CSNK1G3: variants seen among roughly 807,000 people sequenced by gnomAD.
CSNK1G3 encodes casein kinase 1 gamma 3, also known as casein kinase I isoform gamma-3.
Under a neutral mutation model 64.3 loss-of-function variants are expected in CSNK1G3, and 23 were observed. That is an observed-to-expected ratio of 0.36 (90% CI 0.26 to 0.51). CSNK1G3 has a LOEUF of 0.51. Among genes scored for constraint, CSNK1G3 ranks in the 20% least tolerant of loss-of-function variants. The pLI is 0.96. For missense variants in CSNK1G3, 357 were observed against 510.5 expected, an observed-to-expected ratio of 0.70 and a Z score of 2.90; for synonymous variants, 158 against 162.2, an observed-to-expected ratio of 0.97 and a Z score of 0.20.
chr5:123,542,360 A>G (rs1455869609), intron 1 of CSNK1G3, among the ~76,000 whole-genome samples: 1 of 152,168 alleles, frequency 6.6e-6, no homozygotes, highest in East Asian at 1.9e-4. Flanking sequence ...TATATATGAC[A>G]CTAAGAAATT....
At chr5:123,590,688 A>T (rs1165637158) in intron 9 of CSNK1G3, 130 bp downstream of exon 9, 15 of 547,722 alleles carry the variant, frequency 2.7e-5, no homozygotes, top group Non-Finnish European at 4.3e-5. Flanking sequence ...TTTTTAAGGG[A>T]CATTTCTGCA....
chr5:123,566,926 C>G lies in CSNK1G3; in HGVS notation c.290-6467C>G, dbSNP rs151336013. Among the ~76,000 whole-genome samples, 253 of 152,010 alleles carry G rather than the reference C, an allele frequency of 1.7e-3. 2 individuals are homozygous for G. The highest frequency in any genetic ancestry group is 5.7e-3 in the African/African-American group (236 of 41,468). On this transcript the variant is annotated intron_variant, in intron 4 of 12. Transcript: ENST00000345990. ...TTTTTCTTATGTTATCTTTTCTATT[C>G]GTATGTATGTTTAATGATTGTATTC...
At chr5:123,552,943 G>A (rs898226732) in intron 2 of CSNK1G3, 164 bp from the exon 3 acceptor site, 1 of 422,180 alleles carries the variant, frequency 2.4e-6, no homozygotes, top group African/African-American at 2.1e-5. Context: ...ACATCGAGTT[G>A]ATAATAAGTT....
At chr5:123,588,254 G>A (rs1336640226) in intron 7 of CSNK1G3, 101 bp downstream of exon 7, 2 of 1,102,996 alleles carry the variant, frequency 1.8e-6, no homozygotes, top group African/African-American at 1.6e-5. Flanking sequence ...ATTTTATTTT[G>A]TAAGTAGGCA....
chr5:123,534,343 C>T (rs1475848519), intron 1 of CSNK1G3, among the ~76,000 whole-genome samples: 1 of 151,972 alleles, frequency 6.6e-6, no homozygotes, highest in African/African-American at 2.4e-5. Flanking sequence ...ATTCTATGTT[C>T]TTTATAATAT....
chr5:123,575,811 G>A, exon 6 of CSNK1G3: 1 of 1,613,566 alleles, frequency 6.2e-7, no homozygotes, highest in Non-Finnish European at 8.5e-7. Context: ...GGACGACCAG[G>A]AAACAAAACC....
intron 6 of CSNK1G3, among the ~76,000 whole-genome samples, chr5:123,587,022 A>G (rs1040378014): frequency 6.6e-6 from 1 of 152,180 alleles, no homozygotes; most frequent in East Asian, 1.9e-4. Context: ...AGCATGGGAA[A>G]GACCTGCCCC....
intron 10 of CSNK1G3, among the ~76,000 whole-genome samples, chr5:123,595,743 TTTG>T (rs1257833357): frequency 6.6e-6 from 1 of 152,064 alleles, no homozygotes; most frequent in African/African-American, 2.4e-5. Context: ...TTATTTATGA[TTTG>T]TTTCTTTTCA....
intron 6 of CSNK1G3, among the ~76,000 whole-genome samples, chr5:123,578,452 AGT>A (rs1789597707): frequency 6.6e-6 from 1 of 151,834 alleles, no homozygotes; most frequent in South Asian, 2.1e-4. Flanking sequence ...TCTTTTGAAA[AGT>A]GTGTGTCATT....
intron 1 of CSNK1G3, among the ~76,000 whole-genome samples, chr5:123,514,685 G>A (rs1378410400): frequency 1.3e-5 from 2 of 151,552 alleles, no homozygotes; most frequent in Non-Finnish European, 2.9e-5. Context: ...CCTTAACATA[G>A]TTTAATAGGC....
At chr5:123,536,375 A>C (rs545685782) in intron 1 of CSNK1G3, among the ~76,000 whole-genome samples, 2 of 151,600 alleles carry the variant, frequency 1.3e-5, no homozygotes, top group South Asian at 4.2e-4. Flanking sequence ...ATAACATGAA[A>C]ATTTGCCAAA....
At chr5:123,520,529 A>G (rs1327832872) in intron 1 of CSNK1G3, among the ~76,000 whole-genome samples, 6 of 145,822 alleles carry the variant, frequency 4.1e-5, no homozygotes, top group South Asian at 2.1e-4. Flanking sequence ...TGTGTTTTCT[A>G]CCAGTTTAGA....
intron 12 of CSNK1G3, 77 bp downstream of exon 13, chr5:123,605,439 T>C: frequency 6.7e-7 from 1 of 1,494,088 alleles, no homozygotes; most frequent in Non-Finnish European, 9.2e-7. Flanking sequence ...TTTGTGTCTT[T>C]TGAAAACAAA....
intron 10 of CSNK1G3, 104 bp downstream of exon 10, chr5:123,591,518 T>C: frequency 1.7e-6 from 1 of 576,830 alleles, no homozygotes; most frequent in Non-Finnish European, 2.9e-6. Context: ...TACATATTTT[T>C]AATAGATAAT....
intron 4 of CSNK1G3, among the ~76,000 whole-genome samples, chr5:123,561,574 A>G (rs1260744252): frequency 6.6e-6 from 1 of 152,176 alleles, no homozygotes. Context: ...GTGTGGCTTC[A>G]TCCTGCAATC....
intron 12 of CSNK1G3, among the ~76,000 whole-genome samples, chr5:123,609,392 A>G (rs1302852952): frequency 1.3e-5 from 2 of 152,174 alleles, no homozygotes; most frequent in East Asian, 1.9e-4. Context: ...GATAATTTCT[A>G]TTTTGGGTTA....
chr5:123,546,898 T>C (rs1782621710), intron 2 of CSNK1G3, among the ~76,000 whole-genome samples: 1 of 152,136 alleles, frequency 6.6e-6, no homozygotes, highest in Admixed American at 6.6e-5. Context: ...ACATACTTGT[T>C]ACATGATGTG....
intron 4 of CSNK1G3, among the ~76,000 whole-genome samples, chr5:123,566,151 T>A (rs1401825404): frequency 6.6e-6 from 1 of 152,222 alleles, no homozygotes; most frequent in Non-Finnish European, 1.5e-5. Context: ...TCTTTAATAG[T>A]TTCTGTGTAT....
Position 123,539,781 on chromosome 5 carries a change from C to T in CSNK1G3, c.-247-5636C>T, listed in dbSNP as rs1370731147. 4.6e-5 allele frequency among the ~76,000 whole-genome samples: 7 copies of T among 152,172 alleles called. No individual in the cohort carries two copies. The South Asian group carries it at 8.3e-4, about 18-fold the overall frequency. ...ATTTGATAAAATTTGCCAGTGAAAT[C>T]ATCTTTATGGGAATACTTTTTTTTA... On this transcript the variant is annotated intron_variant, in intron 1 of 12. Transcript: ENST00000345990.
Sources: allele counts gnomAD v4.1 joint callset (sites outside exome capture counted in the v4.1 genomes callset), GRCh38; gene constraint gnomAD v4.1.1; transcripts MANE v1.5; gene names NCBI Gene and HGNC (gene_info 2026-07-23, HGNC 2026-07-21).